SLC25A22: variants seen among roughly 807,000 people sequenced by gnomAD.
The protein encoded by SLC25A22 is solute carrier family 25 member 22, also known as mitochondrial glutamate carrier 1.
Under a neutral mutation model 33.7 loss-of-function variants are expected in SLC25A22, and 23 were observed. The ratio of observed to expected loss-of-function variants is 0.68; its 90% confidence interval spans 0.49 to 0.97. The LOEUF (loss-of-function observed/expected upper bound fraction) is 0.97. Among genes scored for constraint, SLC25A22 ranks in the 50% least tolerant of loss-of-function variants. The pLI is 0.00. For missense variants in SLC25A22, 390 were observed against 451.1 expected, an observed-to-expected ratio of 0.86 and a Z score of 1.23; for synonymous variants, 245 against 203.8, an observed-to-expected ratio of 1.20 and a Z score of -1.72.
intron 4 of SLC25A22, 77 bp from the exon 5 acceptor site, chr11:793,696 T>C (rs2133707246): frequency 2.9e-6 from 3 of 1,029,848 alleles, no homozygotes; most frequent in East Asian, 4.8e-5. Flanking sequence ...ACTTGCCTCC[T>C]GGCTGGCAAA....
Position 792,217 on chromosome 11 carries a change from A to G in SLC25A22, c.743T>C (p.Val248Ala). The change falls in exon 9 of 10, where the codon GTG (valine) becomes GCG (alanine). Residue 248 changes from valine to alanine, a missense_variant and splice_region_variant. Val to Ala is a moderately conservative substitution (Grantham distance 64). Coordinates refer to ENST00000628067, the MANE Select transcript of SLC25A22 (RefSeq NM_001191061.2). ...AAAVAVNPCDVVKTRLQSLQR... is the reference protein window; with the variant it reads ...AAAVAVNPCDAVKTRLQSLQR... ...AAGTGACTGGAGCCGCGTCTTCACC[A>G]CTGCAAGGGGCGCTCGGGTCAGTGT... The G allele has an allele frequency of 6.2e-7, 1 of 1,612,874 alleles. No homozygotes were observed. Among genetic ancestry groups the G allele is most frequent in the Non-Finnish European group, 8.5e-7 (1 of 1,179,898 alleles).
intron 5 of SLC25A22, 118 bp downstream of exon 5, chr11:793,411 C>T: frequency 2.1e-6 from 2 of 956,270 alleles, no homozygotes; most frequent in Non-Finnish European, 3.3e-6. Flanking sequence ...GTCAAAGAAG[C>T]CCCAAGCAAG....
rs1236418909 is a variant in SLC25A22, at chr11:793,384, G to A, written c.293+145C>T. 8.0e-6 allele frequency: 6 copies of A among 749,716 alleles called. No individual in the cohort carries two copies. The African/African-American group carries it at 1.0e-4, about 13-fold the overall frequency. The allele number at this position is 749,716 out of a possible 1,614,324, so 46.4% of individuals were successfully genotyped here. On this transcript the variant is annotated intron_variant, in intron 5 of 9. Transcript: ENST00000628067. The stretch of plus-strand genomic sequence containing the variant: ...TGCTCCCCTGGTCAGGGGAAAGGAG[G>A]GAGGGTGCCCCACGAGGTCAAAGAA...
chr11:798,222 T>TCGCCGC lies in SLC25A22; in HGVS notation c.-175_-170dup, dbSNP rs572464433. 21 of 395,272 alleles carry TCGCCGC rather than the reference T, an allele frequency of 5.3e-5. No homozygotes were observed. In the East Asian group the frequency reaches 6.4e-4, roughly 12 times the overall value. 24.5% of individuals were successfully genotyped at this position (395,272 alleles called of 1,614,324 possible). A position where few individuals can be genotyped will look rare whatever the true frequency, so the allele number is the denominator to read the frequency against. ...GCCGCCGGGCAGACACTCACCACGC[T>TCGCCGC]CGCCGCCGCCGCCGCGCTCGCCTGC... On this transcript the variant is annotated 5_prime_UTR_variant, in exon 1 of 10. Coordinates refer to ENST00000628067, the MANE Select transcript of SLC25A22 (RefSeq NM_001191061.2).
intron 4 of SLC25A22, 124 bp downstream of exon 4, chr11:794,334 C>A: frequency 9.0e-7 from 1 of 1,116,126 alleles, no homozygotes; most frequent in Non-Finnish European, 1.3e-6. Flanking sequence ...CCCACAAACA[C>A]GTCCACGCTC....
rs776176541 is a variant in SLC25A22 at position 792,015 on chromosome 11, C to T, written c.872G>A (p.Arg291His). The change falls in exon 10 of 10, where the codon CGC becomes CAC. Residue 291 changes from arginine (R) to histidine (H), a missense_variant. Transcript: ENST00000628067. ...PSAFLKGAYC[R>H]ALVIAPLFGI... ...GAAAAGGGGCGCGATGACCAGCGCGCGGCAGTAGGCGCCCTTCAGGAAGGC... is the reference window on the plus strand; with the variant it reads ...GAAAAGGGGCGCGATGACCAGCGCGTGGCAGTAGGCGCCCTTCAGGAAGGC... 1.4e-5 allele frequency: 23 copies of T among 1,605,622 alleles called. No homozygotes were observed. The highest frequency in any genetic ancestry group is 1.9e-5 in the Non-Finnish European group (22 of 1,176,866).
At chr11:795,808 G>A (rs1046205919) in intron 1 of SLC25A22, 4 of 155,292 alleles carry the variant, frequency 2.6e-5, no homozygotes, top group African/African-American at 9.7e-5. Context: ...AGAAGCCAGT[G>A]ATGGGACCCC....
rs200830331 is a variant in SLC25A22 at position 792,389 on chromosome 11, G to A, written c.657C>T (p.Ser219=). Residue 219 remains serine, a synonymous_variant, in exon 8 of 10, where the codon TCC becomes TCT. Coordinates refer to ENST00000628067, the MANE Select transcript of SLC25A22 (RefSeq NM_001191061.2). ...ACACGTAGAAAGGCGACTTCTCCTC[G>A]GACGCCGGGCGGCCCAGCTGGTTCA... ...ANLNQLGRPA[S]EEKSPFYVSF... is the part of the protein sequence containing the mutation. 2.9e-5 allele frequency: 47 copies of A among 1,613,216 alleles called. No individual in the cohort carries two copies. Among genetic ancestry groups the A allele is most frequent in the Middle Eastern group, 3.3e-4 (2 of 6,084 alleles).
In SLC25A22 at chr11:793,536, TAG is replaced by T; in HGVS notation, c.284_285del (p.Ser95Ter). 2 of 1,613,102 alleles carry T rather than the reference TAG, an allele frequency of 1.2e-6. No homozygotes were observed. The highest frequency in any genetic ancestry group is 2.2e-5 in the East Asian group (1 of 44,790). On this transcript the variant is annotated frameshift_variant, in exon 5 of 10. Coordinates refer to ENST00000628067, the MANE Select transcript of SLC25A22 (RefSeq NM_001191061.2). LOFTEE classifies it high-confidence loss of function. The part of the protein sequence containing the change: ...AANDFFRHQL[S>X]KDGQKLTLLK... ...GCCAGGCAGAACCCTCACCCGTCCT[TAG>T]AGAGCTGATGTCGGAAGAAGTCGTT...
intron 7 of SLC25A22, 29 bp downstream of exon 7, chr11:792,524 C>A: frequency 6.2e-7 from 1 of 1,612,436 alleles, no homozygotes; most frequent in Non-Finnish European, 8.5e-7. Context: ...CTCCCCCTTC[C>A]CTCCCCCCAC....
At chr11:797,519 G>A (rs1220432551) in intron 1 of SLC25A22, 2 of 397,706 alleles carry the variant, frequency 5.0e-6, no homozygotes, top group African/African-American at 2.1e-5. Context: ...GGAGACAGCA[G>A]GAGAGCAGAG....
chr11:794,926 C>T (rs543225194), intron 2 of SLC25A22, 25 bp from the exon 3 acceptor site: 24 of 1,563,796 alleles, frequency 1.5e-5, no homozygotes, highest in East Asian at 1.2e-4. Context: ...GTGTCAGGAC[C>T]GGCTTCCTTG....
Position 794,460 on chromosome 11 carries a change from C to T in SLC25A22, c.200G>A (p.Arg67Gln), listed in dbSNP as rs770449567. Residue 67 changes from arginine to glutamine, a missense_variant and splice_region_variant, in exon 4 of 10, where the codon CGG (arginine) becomes CAG (glutamine). Coordinates refer to ENST00000628067, the MANE Select transcript of SLC25A22 (RefSeq NM_001191061.2). ...VRSEGYFGMY[R>Q]GAAVNLTLVT... is the part of the protein sequence containing the mutation. ...AGCCCAGCCGAGCCAAACCTCACCCCGGTACATGCCGAAGTAGCCCTCGGA... is the reference window on the plus strand; with the variant it reads ...AGCCCAGCCGAGCCAAACCTCACCCTGGTACATGCCGAAGTAGCCCTCGGA... The T allele has an allele frequency of 9.9e-6, 16 of 1,612,758 alleles. No homozygotes were observed. Among genetic ancestry groups the T allele is most frequent in the Non-Finnish European group, 1.1e-5 (13 of 1,179,838 alleles).
At chr11:795,262 A>C (rs1253554511) in intron 1 of SLC25A22, 93 bp from the exon 2 acceptor site, 37 of 618,820 alleles carry the variant, frequency 6.0e-5, no homozygotes, top group Non-Finnish European at 9.6e-5. Flanking sequence ...CCCCTCACCC[A>C]CCACCCCAGA....
At chr11:792,753 C>G in intron 6 of SLC25A22, 26 bp from the exon 7 acceptor site, 2 of 1,544,926 alleles carry the variant, frequency 1.3e-6, no homozygotes, top group Non-Finnish European at 8.7e-7. Flanking sequence ...CTGCTGTCTC[C>G]TCTTCTGTGC....
Position 791,584 on chromosome 11 carries a change from C to T in SLC25A22, c.*331G>A. ...TGGACTGGGGGTATGGTCCAGCCTG[C>T]CCGGCCCAGGCCCGGGGGCCCCCAG... On this transcript the variant is annotated 3_prime_UTR_variant, in exon 10 of 10. Coordinates refer to ENST00000628067, the MANE Select transcript of SLC25A22 (RefSeq NM_001191061.2). The T allele has an allele frequency of 7.3e-6, 3 of 413,462 alleles. No homozygotes were observed. The highest frequency in any genetic ancestry group is 1.3e-5 in the Non-Finnish European group (3 of 224,070). The allele number at this position is 413,462 out of a possible 1,614,324, so 25.6% of individuals were successfully genotyped here. A position where few individuals can be genotyped will look rare whatever the true frequency, so the allele number is the denominator to read the frequency against.
intron 1 of SLC25A22, chr11:795,495 C>CG: frequency 3.1e-6 from 1 of 325,598 alleles, no homozygotes; most frequent in Non-Finnish European, 6.1e-6. Context: ...TGCCAGGGGC[C>CG]GGGGCCAGGG....
In SLC25A22 at chr11:791,504, T is replaced by G; in HGVS notation, c.*411A>C. 1 of 247,790 alleles carries G rather than the reference T, an allele frequency of 4.0e-6. No individual in the cohort carries two copies. Among genetic ancestry groups the G allele is most frequent in the Non-Finnish European group, 7.9e-6 (1 of 125,972 alleles). The allele number at this position is 247,790 out of a possible 1,614,324, so 15.3% of individuals were successfully genotyped here. A position where few individuals can be genotyped will look rare whatever the true frequency, so the allele number is the denominator to read the frequency against. On this transcript the variant is annotated 3_prime_UTR_variant, in exon 10 of 10. Transcript: ENST00000628067. The stretch of plus-strand genomic sequence containing the variant: ...GCTTGGGTCCAGCAGATTCAATAAA[T>G]AGGTTTGTGTGGGGTGCCTGTGTGG...
At position 794,487 on chromosome 11, in the gene SLC25A22, C is replaced by T. The variant is rs754048758; in HGVS notation, c.173G>A (p.Arg58His). Reference sequence around the variant, plus strand: ...GTACATGCCGAAGTAGCCCTCGGAGCGGACGGTCTTGATGAGGCAGTCGGA... The same window carrying T: ...GTACATGCCGAAGTAGCCCTCGGAGTGGACGGTCTTGATGAGGCAGTCGGA... ...SMSDCLIKTV[R>H]SEGYFGMYRG... The change falls in exon 4 of 10, where the codon CGC (arginine) becomes CAC (histidine). Residue 58 changes from arginine to histidine, a missense_variant. Physicochemically the swap from Arg to His is conservative, Grantham distance 29. Coordinates refer to ENST00000628067, the MANE Select transcript of SLC25A22 (RefSeq NM_001191061.2). 17 of 1,612,880 alleles carry T rather than the reference C, an allele frequency of 1.1e-5. No homozygotes were observed. The highest frequency in any genetic ancestry group is 5.5e-5 in the South Asian group (5 of 91,024).
Sources: allele counts gnomAD v4.1 joint callset, GRCh38; gene constraint gnomAD v4.1.1; transcripts MANE v1.5; gene names NCBI Gene and HGNC (gene_info 2026-07-23, HGNC 2026-07-21).